Variants in MMP16 observed in about 807,000 individuals in gnomAD.
MMP16 encodes the protein matrix metalloproteinase-16.
A neutral mutation model predicts 67.8 loss-of-function variants in MMP16; 12 were observed. The observed-to-expected ratio is 0.18, with a 90% CI of 0.11 to 0.29. The LOEUF (loss-of-function observed/expected upper bound fraction) is 0.29, where lower values mean the gene tolerates loss of function less well. Among genes scored for constraint, MMP16 ranks in the 10% least tolerant of loss-of-function variants. The pLI, the probability that MMP16 is intolerant of heterozygous loss-of-function variation, is 1.00. For synonymous variants in MMP16, 249 were observed against 255.9 expected, an observed-to-expected ratio of 0.97 and a Z score of 0.26; for missense variants, 475 against 765.7, an observed-to-expected ratio of 0.62 and a Z score of 4.48.
At chr8:88,307,030 AT>A (rs1811221216) in intron 1 of MMP16, among the ~76,000 whole-genome samples, 1 of 152,202 alleles carries the variant, frequency 6.6e-6, no homozygotes, top group South Asian at 2.1e-4. Context: ...AGAAAACCCC[AT>A]TGTCTCAACC....
chr8:88,197,541 G>T (rs182839426), intron 1 of MMP16, among the ~76,000 whole-genome samples: 1 of 150,476 alleles, frequency 6.6e-6, no homozygotes. Flanking sequence ...ATTAAAAAAA[G>T]AGTAATTATT....
At chr8:88,121,265 G>A (rs536467784) in intron 4 of MMP16, among the ~76,000 whole-genome samples, 2 of 152,018 alleles carry the variant, frequency 1.3e-5, no homozygotes, top group South Asian at 2.1e-4. Context: ...AATAAAGTAA[G>A]GCTTTAGAAG....
intron 1 of MMP16, among the ~76,000 whole-genome samples, chr8:88,316,570 G>A (rs984782659): frequency 1.3e-5 from 2 of 152,088 alleles, no homozygotes; most frequent in Non-Finnish European, 2.9e-5. Flanking sequence ...GAGACTTACT[G>A]CTCAGGAAAA....
At position 88,219,910 on chromosome 8, in the gene MMP16, T is replaced by A. The variant is rs532239355; in HGVS notation, c.133-22604A>T. 1.8e-4 allele frequency among the ~76,000 whole-genome samples: 28 copies of A among 152,176 alleles called. No individual in the cohort carries two copies. In the East Asian group the frequency reaches 2.3e-3, roughly 13 times the overall value. ...AGTCAAAACAGTCTTTTCATTTTTTTAAATTTCTTCTTATGAAAAATTTCA... is the reference window on the plus strand; with the variant it reads ...AGTCAAAACAGTCTTTTCATTTTTTAAAATTTCTTCTTATGAAAAATTTCA... On this transcript the variant is annotated intron_variant, in intron 1 of 9. Transcript: ENST00000286614.
intron 1 of MMP16, among the ~76,000 whole-genome samples, chr8:88,289,694 ACAC>A (rs1810891058): frequency 2.7e-4 from 1 of 3,758 alleles, no homozygotes; most frequent in Non-Finnish European, 2.6e-3. Flanking sequence ...GAGGAAACAC[ACAC>A]ACACACACAC....
intron 6 of MMP16, among the ~76,000 whole-genome samples, chr8:88,114,269 CAT>C (rs1004974089): frequency 3.8e-4 from 58 of 151,692 alleles, no homozygotes; most frequent in African/African-American, 1.3e-3. Flanking sequence ...TAGATAGTAA[CAT>C]GTCTGTTTTT....
chr8:88,051,403 A>T (rs1808269165), intron 8 of MMP16, among the ~76,000 whole-genome samples: 1 of 152,180 alleles, frequency 6.6e-6, no homozygotes, highest in South Asian at 2.1e-4. Flanking sequence ...TGGGAGGGTC[A>T]ATAAGTGATG....
intron 1 of MMP16, among the ~76,000 whole-genome samples, chr8:88,240,427 A>C (rs1810016119): frequency 6.6e-6 from 1 of 152,168 alleles, no homozygotes; most frequent in Non-Finnish European, 1.5e-5. Context: ...GGAAAGGAAA[A>C]CAGTGTGTCA....
At chr8:88,144,431 G>C (rs547893791) in intron 4 of MMP16, among the ~76,000 whole-genome samples, 77 of 151,710 alleles carry the variant, frequency 5.1e-4, no homozygotes, top group African/African-American at 1.8e-3. Context: ...GAAGTATCCT[G>C]TATAGGTATA....
chr8:88,048,452 A>G, intron 8 of MMP16, among the ~76,000 whole-genome samples: 1 of 152,156 alleles, frequency 6.6e-6, no homozygotes, highest in East Asian at 1.9e-4. Flanking sequence ...AGATTGACAA[A>G]ATAGGGTAAA....
At chr8:88,298,339 G>A (rs10100297) in intron 1 of MMP16, among the ~76,000 whole-genome samples, 86,092 of 151,986 alleles carry the variant, frequency 0.57, 26,328 homozygotes, top group East Asian at 0.84. Flanking sequence ...AACATGTACT[G>A]CTTGTAATTG....
intron 1 of MMP16, among the ~76,000 whole-genome samples, chr8:88,230,553 A>G (rs1219210539): frequency 3.6e-5 from 4 of 110,366 alleles, no homozygotes; most frequent in East Asian, 2.8e-4. Context: ...TTTTTTTTTT[A>G]GTAAGGATCA....
chr8:88,098,183 C>T (rs1809062148), intron 6 of MMP16, among the ~76,000 whole-genome samples: 2 of 152,004 alleles, frequency 1.3e-5, no homozygotes. Flanking sequence ...AAGGGACAGA[C>T]ACATTGGACT....
intron 1 of MMP16, among the ~76,000 whole-genome samples, chr8:88,287,220 A>G (rs528776659): frequency 3.3e-5 from 5 of 152,062 alleles, no homozygotes; most frequent in South Asian, 2.1e-4. Context: ...CAACCAGTTA[A>G]GAGTCTCTCT....
rs1554589555 is a variant in MMP16 at position 88,261,772 on chromosome 8, T to TACACACACCCAC, written c.133-64467_133-64466insGTGGGTGTGTGT. On this transcript the variant is annotated intron_variant, in intron 1 of 9. Transcript: ENST00000286614. ...ACATATGCATACATATATGTACATG[T>TACACACACCCAC]ACACACACACACACACACACAACCA... is the stretch of plus-strand genomic sequence containing the variant. 3.3e-5 allele frequency among the ~76,000 whole-genome samples: 5 copies of TACACACACCCAC among 149,660 alleles called. No individual in the cohort carries two copies. In the East Asian group the frequency reaches 9.8e-4, roughly 29 times the overall value.
At chr8:88,171,785 T>C (rs540893167) in intron 3 of MMP16, among the ~76,000 whole-genome samples, 8 of 152,260 alleles carry the variant, frequency 5.3e-5, no homozygotes, top group African/African-American at 1.9e-4. Context: ...AAAATACTTA[T>C]TGCTCTTATT....
chr8:88,187,464 A>C (rs544874900), intron 2 of MMP16, among the ~76,000 whole-genome samples: 1 of 152,144 alleles, frequency 6.6e-6, no homozygotes, highest in Non-Finnish European at 1.5e-5. Flanking sequence ...TTTGCTGTTT[A>C]TTAGCCCCTT....
intron 6 of MMP16, among the ~76,000 whole-genome samples, chr8:88,105,365 G>A (rs1016108267): frequency 6.6e-6 from 1 of 151,360 alleles, no homozygotes; most frequent in African/African-American, 2.4e-5. Context: ...GGAAAACTAT[G>A]CACATTCTCC....
chr8:88,056,587 C>A lies in MMP16; in HGVS notation c.1223-309G>T, dbSNP rs143543521. ...TTGCCATAAAGAAACAATTCTGAGT[C>A]AAGGATGAAGGATTCTTCCCCTAAG... On this transcript the variant is annotated intron_variant, in intron 7 of 9. Coordinates refer to ENST00000286614, the MANE Select transcript of MMP16 (RefSeq NM_005941.5). Among the ~76,000 whole-genome samples the A allele has an allele frequency of 2.6e-5, 4 of 152,060 alleles. No homozygotes were observed. In the East Asian group the frequency reaches 5.8e-4, roughly 22 times the overall value.
Sources: gnomAD v4.1 joint callset for allele counts (sites outside exome capture counted in the v4.1 genomes callset) on GRCh38, gnomAD v4.1.1 for gene constraint, MANE v1.5 for transcripts, NCBI Gene and HGNC (gene_info 2026-07-23, HGNC 2026-07-21) for gene names.